The following UGGT1 variants were observed in gnomAD, a reference collection of about 807,000 sequenced individuals.
UGGT1 encodes the protein UDP-glucose glycoprotein glucosyltransferase 1, also known as UDP-glucose:glycoprotein glucosyltransferase 1.
Under a neutral mutation model 203.9 loss-of-function variants are expected in UGGT1, and 107 were observed. The ratio of observed to expected loss-of-function variants is 0.52; its 90% CI spans 0.45 to 0.62. The LOEUF (loss-of-function observed/expected upper bound fraction) is 0.62. Ranked by LOEUF, UGGT1 falls within the 20% of genes least tolerant of loss-of-function variation. UGGT1 has a pLI of 0.00. For synonymous variants in UGGT1, 628 were observed against 653.5 expected, an observed-to-expected ratio of 0.96 and a Z score of 0.59; for missense variants, 1,673 against 1,867.2, an observed-to-expected ratio of 0.90 and a Z score of 1.92.
chr2:128,181,547 A>T (rs1035835126), intron 36 of UGGT1, among the ~76,000 whole-genome samples: 2 of 152,230 alleles, frequency 1.3e-5, no homozygotes, highest in Non-Finnish European at 2.9e-5. Context: ...CTCAAACAGC[A>T]TAAGTGTACG....
At chr2:128,188,201 T>C (rs954804958) in intron 40 of UGGT1, among the ~76,000 whole-genome samples, 1 of 151,864 alleles carries the variant, frequency 6.6e-6, no homozygotes, top group African/African-American at 2.4e-5. Flanking sequence ...TAAATTTTAT[T>C]TATTTTTTAT....
chr2:128,158,403 CTTCCCTCTTCTCATATTAGGGAATAGGTT>C (rs924200924), intron 22 of UGGT1, among the ~76,000 whole-genome samples: 3 of 152,212 alleles, frequency 2.0e-5, no homozygotes, highest in Admixed American at 6.5e-5. Flanking sequence ...CACTACGCCT[CTTCCCTCTTCTCATATTAGGGAATAGGTT>C]TGCCTATCTT....
At chr2:128,163,378 T>G (rs1235725593) in intron 25 of UGGT1, among the ~76,000 whole-genome samples, 3 of 151,774 alleles carry the variant, frequency 2.0e-5, no homozygotes, top group Admixed American at 6.6e-5. Context: ...GGAGTGTTTT[T>G]TTTTTTTTTT....
chr2:128,121,491 C>T (rs574120972), intron 10 of UGGT1, among the ~76,000 whole-genome samples, 193 bp downstream of exon 10: 29 of 149,870 alleles, frequency 1.9e-4, no homozygotes, highest in African/African-American at 6.4e-4. Context: ...CCACAACCTC[C>T]GCCTCCCAGG....
At chr2:128,103,339 G>A (rs185652709) in intron 2 of UGGT1, among the ~76,000 whole-genome samples, 86 of 152,142 alleles carry the variant, frequency 5.7e-4, no homozygotes, top group African/African-American at 2.0e-3. Flanking sequence ...GGATAAAGTC[G>A]AAAAAAATTA....
At chr2:128,178,644 T>TG (rs1691522982) in intron 34 of UGGT1, 75 bp downstream of exon 34, 55 of 1,314,516 alleles carry the variant, frequency 4.2e-5, no homozygotes, top group Non-Finnish European at 5.6e-5. Flanking sequence ...GGAAAGGTTT[T>TG]GTGGGATTCT....
intron 5 of UGGT1, among the ~76,000 whole-genome samples, chr2:128,112,307 G>C (rs564456695): frequency 6.0e-5 from 9 of 149,350 alleles, no homozygotes; most frequent in African/African-American, 2.0e-4. Context: ...TGTAATCCCA[G>C]CTACTGAGGA....
Position 128,189,914 on chromosome 2 carries a change from T to C in UGGT1, c.*172T>C. The C allele has an allele frequency of 1.5e-6, 1 of 651,166 alleles. No individual in the cohort carries two copies. Among genetic ancestry groups the C allele is most frequent in the Non-Finnish European group, 2.6e-6 (1 of 391,264 alleles). 40.3% of individuals were successfully genotyped at this position (651,166 alleles called of 1,614,324 possible). On this transcript the variant is annotated 3_prime_UTR_variant, in exon 41 of 41. Coordinates refer to ENST00000259253, the MANE Select transcript of UGGT1 (RefSeq NM_020120.4). ...TCTGTACTCTGGTGGCCACTGGATC[T>C]TTGGGATTAAAGCTCTGTTGGATTT...
rs767054189 is a variant in UGGT1, at chr2:128,161,102, T to G, written c.2695-36T>G. On this transcript the variant is annotated intron_variant, in intron 24 of 40. Coordinates refer to ENST00000259253, the MANE Select transcript of UGGT1 (RefSeq NM_020120.4). ...CCAGCTTGCTGAGTGCAGGCAGCCT[T>G]CCAGAGCTAAGCGCCTGCTCTTCTC... is the stretch of plus-strand genomic sequence containing the variant. 43 of 1,610,476 alleles carry G rather than the reference T, an allele frequency of 2.7e-5. No homozygotes were observed. The East Asian group carries it at 9.6e-4, about 36-fold the overall frequency.
rs1217776813 is a variant in UGGT1, at chr2:128,187,429, G to A, written c.4477-20G>A. The A allele has an allele frequency of 1.9e-6, 3 of 1,609,206 alleles. No homozygotes were observed. The highest frequency in any genetic ancestry group is 1.7e-5 in the Admixed American group (1 of 59,678). ...GGCCTTTCTTCAACTCAGCTGAAGT[G>A]TGTTCTTTTGGTTTCACAGTGTAAT... On this transcript the variant is annotated intron_variant, in intron 39 of 40. Coordinates refer to ENST00000259253, the MANE Select transcript of UGGT1 (RefSeq NM_020120.4).
At chr2:128,179,134 CCAGGGCTCTGTTCA>C (rs761394299) in intron 34 of UGGT1, among the ~76,000 whole-genome samples, 276 of 151,920 alleles carry the variant, frequency 1.8e-3, no homozygotes, top group Non-Finnish European at 2.5e-3. Context: ...TTTCTCATTG[CCAGGGCTCTGTTCA>C]CTCTTAATTT....
chr2:128,136,158 G>A (rs1689121925), intron 15 of UGGT1, among the ~76,000 whole-genome samples: 1 of 152,192 alleles, frequency 6.6e-6, no homozygotes, highest in Non-Finnish European at 1.5e-5. Flanking sequence ...CATACAGGCT[G>A]CTCTTTCCTT....
chr2:128,097,200 C>A (rs1687150003), intron 1 of UGGT1, among the ~76,000 whole-genome samples: 2 of 152,100 alleles, frequency 1.3e-5, no homozygotes, highest in South Asian at 4.1e-4. Context: ...CATTGTGAAA[C>A]CCTGTCTCTA....
intron 14 of UGGT1, among the ~76,000 whole-genome samples, chr2:128,133,468 C>A (rs1037079186): frequency 6.6e-6 from 1 of 152,130 alleles, no homozygotes; most frequent in Admixed American, 6.5e-5. Context: ...GCATTACAGC[C>A]CCCCTCAGAG....
chr2:128,171,584 T>A (rs1316994794), intron 28 of UGGT1, among the ~76,000 whole-genome samples: 1 of 152,208 alleles, frequency 6.6e-6, no homozygotes, highest in East Asian at 1.9e-4. Flanking sequence ...CTTGGCTCAC[T>A]GCAGCCTCTG....
intron 38 of UGGT1, among the ~76,000 whole-genome samples, chr2:128,185,097 T>G (rs938214360): frequency 9.2e-5 from 14 of 152,196 alleles, no homozygotes; most frequent in African/African-American, 2.4e-5. Context: ...CTATCACATA[T>G]TTGTTTATCT....
In UGGT1 at chr2:128,172,591, A is replaced by G; in HGVS notation, c.3123A>G (p.Leu1041=). The G allele has an allele frequency of 6.2e-7, 1 of 1,614,116 alleles. No individual in the cohort carries two copies. The highest frequency in any genetic ancestry group is 1.1e-5 in the South Asian group (1 of 91,086). The change falls in exon 29 of 41, where the codon TTA becomes TTG. Residue 1041 remains leucine (L), a synonymous_variant. Transcript: ENST00000259253. The stretch of plus-strand genomic sequence containing the variant: ...ATTTCAGCTTTTACCGTTATGTCTT[A>G]GAACCAGAGATTTCTTTCACTTCAG... ...MPLKSFYRYV[L]EPEISFTSDN... is the part of the protein sequence containing the mutation.
chr2:128,183,937 TGA>T (rs71396517), intron 38 of UGGT1, 148 bp downstream of exon 38: 9,609 of 309,600 alleles, frequency 0.031, 2 homozygotes, highest in East Asian at 0.066. Context: ...TGTGTGTGTG[TGA>T]GAGAGAGAGA....
At chr2:128,137,859 C>T (rs1472248540) in intron 15 of UGGT1, among the ~76,000 whole-genome samples, 1 of 152,046 alleles carries the variant, frequency 6.6e-6, no homozygotes, top group African/African-American at 2.4e-5. Flanking sequence ...TCTTTTTTGC[C>T]AGCCCATCTA....
Sources: allele counts gnomAD v4.1 joint callset (sites outside exome capture counted in the v4.1 genomes callset), GRCh38; gene constraint gnomAD v4.1.1; transcripts MANE v1.5; gene names NCBI Gene and HGNC (gene_info 2026-07-23, HGNC 2026-07-21).